TAOK3: variants seen among roughly 807,000 people sequenced by gnomAD.
The protein encoded by TAOK3 is TAO kinase 3.
Under a neutral mutation model 120.4 loss-of-function variants are expected in TAOK3, and 40 were observed. That is an observed-to-expected ratio of 0.33 (90% CI 0.26 to 0.43). The LOEUF is 0.43. Ranked by LOEUF, TAOK3 falls within the 20% of genes least tolerant of loss-of-function variation. The pLI is 1.00. For missense variants in TAOK3, 821 were observed against 1,112.1 expected (o/e 0.74, Z 3.72); for synonymous variants, 355 against 387.5 (o/e 0.92, Z 0.99).
rs893405369 is a variant in TAOK3, at chr12:118,372,351, A to C, written c.-194+297T>G. Among the ~76,000 whole-genome samples the C allele has an allele frequency of 0.01, 148 of 14,792 alleles. No homozygotes were observed. The highest frequency in any genetic ancestry group is 0.012 in the African/African-American group (43 of 3,472). 9.7% of individuals were successfully genotyped at this position (14,792 alleles called of 152,430 possible). On this transcript the variant is annotated intron_variant, in intron 1 of 20. Transcript: ENST00000392533. The surrounding 1 kb of genome is among the most constrained non-coding windows in gnomAD (Gnocchi z 4.6). ...GTGCCTCATGAGGCACCCACCCCTC[A>C]CCCCACTACCCCAGCCCCTCTCCGG... is the stretch of plus-strand genomic sequence containing the variant.
intron 1 of TAOK3, among the ~76,000 whole-genome samples, chr12:118,330,910 G>T (rs552755310): frequency 6.6e-6 from 1 of 152,052 alleles, no homozygotes; most frequent in Admixed American, 6.6e-5. Context: ...TGAAAATGTG[G>T]GACATCTGTT....
At chr12:118,291,917 G>A (rs934755939) in intron 1 of TAOK3, among the ~76,000 whole-genome samples, 5 of 152,038 alleles carry the variant, frequency 3.3e-5, no homozygotes, top group Admixed American at 1.3e-4. Context: ...GGGTTCAAGC[G>A]ATTCTCCTGC....
At chr12:118,295,421 G>A (rs1464311851) in intron 1 of TAOK3, 1 of 152,108 alleles carries the variant, frequency 6.6e-6, no homozygotes. Flanking sequence ...TTTTAGAGAG[G>A]ATGAAATAAG....
chr12:118,319,496 G>A (rs1202445631), intron 1 of TAOK3, among the ~76,000 whole-genome samples: 2 of 151,856 alleles, frequency 1.3e-5, no homozygotes, highest in Non-Finnish European at 1.5e-5. Context: ...AAAGACAAAC[G>A]ACCCAATTTT....
chr12:118,249,587 C>A (rs1488169077), intron 3 of TAOK3, among the ~76,000 whole-genome samples: 1 of 149,752 alleles, frequency 6.7e-6, no homozygotes, highest in Non-Finnish European at 1.5e-5. Context: ...AAATAGGAGG[C>A]TGAGGCAGGA....
At chr12:118,353,040 A>G (rs951901438) in intron 1 of TAOK3, among the ~76,000 whole-genome samples, 1 of 152,174 alleles carries the variant, frequency 6.6e-6, no homozygotes, top group East Asian at 1.9e-4. Flanking sequence ...ATGATGAAAT[A>G]CATTTACTAT....
At position 118,246,052 on chromosome 12, in the gene TAOK3, AAAG is replaced by A. The variant is rs1182095106; in HGVS notation, c.121-1090_121-1088del. ...GAGTATACGTGTAGAAAAAATTATA[AAAG>A]AATTGCTTCTTTTCCGAGAAAACAA... On this transcript the variant is annotated intron_variant, in intron 3 of 20. Transcript: ENST00000392533. 3 of 873,120 alleles carry A rather than the reference AAAG, an allele frequency of 3.4e-6. No homozygotes were observed. In the East Asian group the frequency reaches 8.3e-5, roughly 24 times the overall value. 54.1% of individuals were successfully genotyped at this position (873,120 alleles called of 1,614,324 possible). A position where few individuals can be genotyped will look rare whatever the true frequency, so the allele number is the denominator to read the frequency against.
intron 8 of TAOK3, 75 bp from the exon 9 acceptor site, chr12:118,233,840 T>C: frequency 2.2e-6 from 2 of 920,788 alleles, no homozygotes; most frequent in Admixed American, 2.2e-5. Context: ...TTCAATGAAA[T>C]AGCTGTTCTT....
chr12:118,365,499 T>A (rs2141318117), intron 1 of TAOK3, among the ~76,000 whole-genome samples: 1 of 152,256 alleles, frequency 6.6e-6, no homozygotes, highest in East Asian at 1.9e-4. Flanking sequence ...TCCTCCCTCC[T>A]CCCTCATTAG....
At chr12:118,178,975 G>T (rs867499582) in intron 15 of TAOK3, among the ~76,000 whole-genome samples, 2 of 152,116 alleles carry the variant, frequency 1.3e-5, no homozygotes, top group African/African-American at 4.8e-5. Context: ...CTCTTTTTAC[G>T]TATCTTTTTC....
chr12:118,247,718 T>C (rs760110170), intron 3 of TAOK3, among the ~76,000 whole-genome samples: 21 of 152,142 alleles, frequency 1.4e-4, no homozygotes, highest in Non-Finnish European at 2.8e-4. Context: ...TTTCACCATA[T>C]TGGCCAGGCT....
At chr12:118,168,077 T>C (rs1328180460) in intron 17 of TAOK3, among the ~76,000 whole-genome samples, 1 of 152,212 alleles carries the variant, frequency 6.6e-6, no homozygotes, top group East Asian at 1.9e-4. Flanking sequence ...ATATATAATA[T>C]AGCTGTACAT....
At chr12:118,152,138 C>G in intron 20 of TAOK3, 89 bp downstream of exon 20, 2 of 1,282,840 alleles carry the variant, frequency 1.6e-6, no homozygotes, top group Non-Finnish European at 1.1e-6. Context: ...AGTTTAATCT[C>G]TAACTAAGGA....
chr12:118,220,122 T>C (rs1005323763), intron 9 of TAOK3, among the ~76,000 whole-genome samples: 1 of 147,762 alleles, frequency 6.8e-6, no homozygotes, highest in African/African-American at 2.5e-5. Context: ...TGCCCAAGCT[T>C]GTCTCAAACT....
intron 9 of TAOK3, among the ~76,000 whole-genome samples, chr12:118,219,726 C>A (rs1423790257): frequency 7.1e-6 from 1 of 140,894 alleles, no homozygotes; most frequent in African/African-American, 2.6e-5. Context: ...TCCTGAGTAG[C>A]TGGGATTATA....
At chr12:118,369,004 GA>G (rs975694288) in intron 1 of TAOK3, among the ~76,000 whole-genome samples, 9,886 of 69,410 alleles carry the variant, frequency 0.14, 458 homozygotes, top group East Asian at 0.39. Flanking sequence ...ACTAAAAATA[GA>G]AAAAAAAAAA....
chr12:118,286,856 G>GGT (rs2042285268), intron 1 of TAOK3, among the ~76,000 whole-genome samples: 1 of 152,166 alleles, frequency 6.6e-6, no homozygotes, highest in Admixed American at 6.5e-5. Context: ...AAGAAACTGT[G>GGT]GTATATATAT....
chr12:118,291,248 C>T (rs2042466837), intron 1 of TAOK3, among the ~76,000 whole-genome samples: 3 of 151,028 alleles, frequency 2.0e-5, no homozygotes, highest in Non-Finnish European at 4.4e-5. Flanking sequence ...CCTCTGCCTC[C>T]TGGGTTCAAG....
intron 1 of TAOK3, among the ~76,000 whole-genome samples, chr12:118,324,503 A>G (rs1472273137): frequency 6.6e-6 from 1 of 151,784 alleles, no homozygotes; most frequent in East Asian, 1.9e-4. Context: ...ATACTTTTGT[A>G]CCTATTAACC....
Sources: gnomAD v4.1 joint callset for allele counts (sites outside exome capture counted in the v4.1 genomes callset) on GRCh38, gnomAD v4.1.1 for gene constraint, Gnocchi (gnomAD v3.1) non-coding constraint, MANE v1.5 for transcripts, NCBI Gene and HGNC (gene_info 2026-07-23, HGNC 2026-07-21) for gene names.